The following GDPD4 variants were observed in gnomAD, a reference collection of about 807,000 sequenced individuals.
GDPD4 encodes glycerophosphodiester phosphodiesterase domain containing 4, also known as glycerophosphodiester phosphodiesterase 6.
In GDPD4, 60 loss-of-function variants were observed where a neutral mutation model predicts 67.8. The observed-to-expected ratio is 0.88, with a 90% CI of 0.72 to 1.10. The LOEUF (loss-of-function observed/expected upper bound fraction) is 1.10, where lower values mean the gene tolerates loss of function less well. Ranked by LOEUF, GDPD4 falls within the 50% of genes least tolerant of loss-of-function variation. The pLI is 0.00. For missense variants in GDPD4, 623 were observed against 613.9 expected (o/e 1.01, Z -0.16); for synonymous variants, 212 against 210.9 (o/e 1.00, Z -0.04).
chr11:77,271,094 G>GA, intron 7 of GDPD4, 36 bp downstream of exon 7: 1 of 1,438,258 alleles, frequency 7.0e-7, no homozygotes, highest in Non-Finnish European at 9.7e-7. Context: ...AGCCAGAGCT[G>GA]AAGAAATAGG....
chr11:77,227,086 G>C (rs1261886101), intron 16 of GDPD4, among the ~76,000 whole-genome samples: 1 of 152,176 alleles, frequency 6.6e-6, no homozygotes, highest in Non-Finnish European at 1.5e-5. Context: ...GCAGTCTTCT[G>C]CCTCCTAATT....
chr11:77,267,918 T>C (rs1189584975), intron 10 of GDPD4, among the ~76,000 whole-genome samples: 1 of 152,026 alleles, frequency 6.6e-6, no homozygotes, highest in Middle Eastern at 3.2e-3. Context: ...TTTTTTTTCT[T>C]TTTTTTCCCA....
chr11:77,242,870 A>C (rs1958697571), intron 13 of GDPD4, among the ~76,000 whole-genome samples: 1 of 152,116 alleles, frequency 6.6e-6, no homozygotes, highest in African/African-American at 2.4e-5. Flanking sequence ...AGGAACAGAA[A>C]CAGATGCATG....
At position 77,252,063 on chromosome 11, in the gene GDPD4, T is replaced by G. The variant is rs796107301; in HGVS notation, c.864+6323A>C. ...GTTTTTTTGTTTGTTTGTTTTTTTT[T>G]TGTTTTTTTTTTTTTTTTGAGACAG... On this transcript the variant is annotated intron_variant, in intron 11 of 16. Transcript: ENST00000315938. Among the ~76,000 whole-genome samples the G allele has an allele frequency of 1.1e-3, 123 of 109,020 alleles. 2 individuals carry two copies. Among genetic ancestry groups the G allele is most frequent in the African/African-American group, 3.7e-3 (119 of 32,460 alleles). The allele number at this position is 109,020 out of a possible 152,430, so 71.5% of individuals were successfully genotyped here.
intron 16 of GDPD4, among the ~76,000 whole-genome samples, chr11:77,226,874 A>C (rs1254489086): frequency 6.6e-6 from 1 of 152,110 alleles, no homozygotes; most frequent in Non-Finnish European, 1.5e-5. Context: ...AAATTTCTAA[A>C]CTTAGTTTTT....
chr11:77,258,295 A>G (rs1255270735), intron 11 of GDPD4, 91 bp downstream of exon 11: 520 of 1,011,312 alleles, frequency 5.1e-4, no homozygotes, highest in Non-Finnish European at 7.3e-4. Context: ...ATACTTGCCT[A>G]TCTTCATCTA....
intron 10 of GDPD4, among the ~76,000 whole-genome samples, chr11:77,265,005 A>G (rs1432134212): frequency 1.3e-5 from 2 of 152,128 alleles, no homozygotes; most frequent in Admixed American, 6.6e-5. Flanking sequence ...CAACAGACTT[A>G]TATCTGTTTA....
chr11:77,279,480 T>C (rs1036168169), intron 3 of GDPD4, 81 bp from the exon 4 acceptor site: 2 of 763,150 alleles, frequency 2.6e-6, no homozygotes, highest in Non-Finnish European at 4.5e-6. Flanking sequence ...AAAACCAGAC[T>C]AGATAAGGCA....
intron 1 of GDPD4, among the ~76,000 whole-genome samples, chr11:77,288,812 T>C (rs889619917): frequency 6.6e-6 from 1 of 152,142 alleles, no homozygotes. Context: ...GATTCCAATG[T>C]AAAAGAAATG....
intron 5 of GDPD4, among the ~76,000 whole-genome samples, chr11:77,271,953 C>T (rs1280676957): frequency 2.0e-5 from 3 of 152,110 alleles, no homozygotes; most frequent in African/African-American, 7.2e-5. Context: ...ATGAAAAAAC[C>T]TGCCTGCCAG....
intron 14 of GDPD4, 51 bp downstream of exon 14, chr11:77,232,974 T>G: frequency 6.3e-7 from 1 of 1,588,958 alleles, no homozygotes; most frequent in Non-Finnish European, 8.6e-7. Flanking sequence ...CTGGGGGGCC[T>G]GCACTGCTAT....
At chr11:77,289,841 A>G (rs1937708609) in intron 1 of GDPD4, among the ~76,000 whole-genome samples, 1 of 131,040 alleles carries the variant, frequency 7.6e-6, no homozygotes, top group Non-Finnish European at 1.6e-5. Context: ...AGGGGAAGGA[A>G]AGGAGGGAGG....
chr11:77,243,662 A>G (rs2135843040), intron 13 of GDPD4, 32 bp downstream of exon 13: 1 of 1,580,258 alleles, frequency 6.3e-7, no homozygotes, highest in South Asian at 1.1e-5. Flanking sequence ...GTAAGGCAAT[A>G]TGTGCCAAGA....
chr11:77,257,657 A>G (rs578256843), intron 11 of GDPD4, among the ~76,000 whole-genome samples: 29 of 151,678 alleles, frequency 1.9e-4, no homozygotes, highest in Non-Finnish European at 4.0e-4. Flanking sequence ...CCCCTTGGTA[A>G]TGATCTTCCC....
intron 1 of GDPD4, among the ~76,000 whole-genome samples, chr11:77,296,250 C>CAAAA (rs200238027): frequency 9.7e-6 from 1 of 103,466 alleles, no homozygotes; most frequent in Non-Finnish European, 1.9e-5. Flanking sequence ...GACTTCGTCT[C>CAAAA]AAAAAAAAAA....
intron 5 of GDPD4, among the ~76,000 whole-genome samples, chr11:77,275,422 C>T (rs551096896): frequency 1.6e-4 from 25 of 152,128 alleles, no homozygotes; most frequent in Middle Eastern, 6.8e-3. Flanking sequence ...AAACCCAAGA[C>T]GGGGTAAAAA....
At chr11:77,218,750 T>C (rs1315781691) in intron 16 of GDPD4, among the ~76,000 whole-genome samples, 7 of 152,210 alleles carry the variant, frequency 4.6e-5, no homozygotes, top group Non-Finnish European at 1.5e-5. Context: ...TAATATTCCA[T>C]GGTGTATATG....
At chr11:77,300,847 T>G (rs1177633043) in intron 1 of GDPD4, among the ~76,000 whole-genome samples, 1 of 152,172 alleles carries the variant, frequency 6.6e-6, no homozygotes, top group African/African-American at 2.4e-5. Flanking sequence ...AAAAAAACTT[T>G]CAGTTGGTTA....
In GDPD4 at chr11:77,216,927, G is replaced by A. The variant is rs769718247; in HGVS notation, c.*350C>T. On this transcript the variant is annotated 3_prime_UTR_variant, in exon 17 of 17. Coordinates refer to ENST00000315938, the MANE Select transcript of GDPD4 (RefSeq NM_182833.3). ...TATTCAGCCATGGGGATCTCTTAGAGGTCTCTTATTTAAGGATAGGGGACC... is the reference window on the plus strand; with the variant it reads ...TATTCAGCCATGGGGATCTCTTAGAAGTCTCTTATTTAAGGATAGGGGACC... The A allele has an allele frequency of 1.5e-4, 102 of 701,132 alleles. No homozygotes were observed. The highest frequency in any genetic ancestry group is 2.3e-4 in the Non-Finnish European group (89 of 384,370). 43.4% of individuals were successfully genotyped at this position (701,132 alleles called of 1,614,324 possible).
Sources: allele counts gnomAD v4.1 joint callset (sites outside exome capture counted in the v4.1 genomes callset), GRCh38; gene constraint gnomAD v4.1.1; transcripts MANE v1.5; gene names NCBI Gene and HGNC (gene_info 2026-07-23, HGNC 2026-07-21).